The following DOCK3 variants were observed in gnomAD, a reference collection of about 807,000 sequenced individuals.
The protein encoded by DOCK3 is dedicator of cytokinesis 3.
A neutral mutation model predicts 265.6 loss-of-function variants in DOCK3; 60 were observed. That is an observed-to-expected ratio of 0.23 (90% CI 0.18 to 0.28). DOCK3 has a LOEUF of 0.28. Among genes scored for constraint, DOCK3 ranks in the 10% least tolerant of loss-of-function variants. The probability of loss-of-function intolerance (pLI) is 1.00; values close to 1 mark genes in which losing one functional copy is unlikely to be tolerated. For missense variants in DOCK3, 1,981 were observed against 2,594.3 expected (o/e 0.76, Z 5.14); for synonymous variants, 881 against 938.0 (o/e 0.94, Z 1.11).
intron 4 of DOCK3, among the ~76,000 whole-genome samples, chr3:50,894,739 G>T (rs2048814136): frequency 6.6e-6 from 1 of 151,968 alleles, no homozygotes; most frequent in Admixed American, 6.6e-5. Flanking sequence ...AAATTGTCAG[G>T]TTTTTGTTTT....
chr3:50,858,375 T>C (rs2107473630), intron 3 of DOCK3, among the ~76,000 whole-genome samples: 1 of 151,730 alleles, frequency 6.6e-6, no homozygotes, highest in African/African-American at 2.4e-5. Context: ...CATATATAAA[T>C]ATGTATCAAA....
chr3:51,246,869 C>A, intron 22 of DOCK3, 62 bp downstream of exon 22: 1 of 1,507,752 alleles, frequency 6.6e-7, no homozygotes. Context: ...TGAGTAATCT[C>A]AGTGATACAA....
chr3:51,181,462 T>C (rs1006939592), intron 12 of DOCK3, among the ~76,000 whole-genome samples: 1 of 152,046 alleles, frequency 6.6e-6, no homozygotes, highest in Non-Finnish European at 1.5e-5. Flanking sequence ...ACAAAGGACA[T>C]GAACTCATCC....
At chr3:51,242,909 G>A (rs2078671735) in intron 21 of DOCK3, among the ~76,000 whole-genome samples, 1 of 152,150 alleles carries the variant, frequency 6.6e-6, no homozygotes. Flanking sequence ...TATGGGGAGG[G>A]GGCATGCAGG....
At chr3:50,803,737 G>A (rs1261566864) in intron 2 of DOCK3, among the ~76,000 whole-genome samples, 4 of 151,560 alleles carry the variant, frequency 2.6e-5, no homozygotes, top group African/African-American at 4.8e-5. Flanking sequence ...GCGGCTGGCC[G>A]GGCGGGGGCT....
chr3:51,045,689 T>C (rs1373250346), intron 5 of DOCK3, among the ~76,000 whole-genome samples: 1 of 152,218 alleles, frequency 6.6e-6, no homozygotes, highest in Non-Finnish European at 1.5e-5. Context: ...TTGATGTAGC[T>C]ATTCATGGTC....
Position 51,146,640 on chromosome 3 carries a change from A to G in DOCK3, c.828+10A>G, listed in dbSNP as rs1414012659. 2 of 1,572,266 alleles carry G rather than the reference A, an allele frequency of 1.3e-6. No homozygotes were observed. Among genetic ancestry groups the G allele is most frequent in the Admixed American group, 1.9e-5 (1 of 53,378 alleles). On this transcript the variant is annotated intron_variant, in intron 10 of 52. Coordinates refer to ENST00000266037, the MANE Select transcript of DOCK3 (RefSeq NM_004947.5). Reference sequence around the variant, plus strand: ...GTGTGCCCTTTTTACAGTATGTACGAATTCTCTTTTTCTTCTTTGCTGTTG... The same window carrying G: ...GTGTGCCCTTTTTACAGTATGTACGGATTCTCTTTTTCTTCTTTGCTGTTG...
intron 3 of DOCK3, among the ~76,000 whole-genome samples, chr3:50,886,208 A>ATATATATATATATATT (rs1399056611): frequency 7.3e-6 from 1 of 136,842 alleles, no homozygotes; most frequent in Non-Finnish European, 1.7e-5. Flanking sequence ...ATATATATAT[A>ATATATATATATATATT]TTCCAGAGTT....
Position 51,361,952 on chromosome 3 carries a change from C to T in DOCK3, c.5100C>T (p.Asp1700=), listed in dbSNP as rs774023451. ...CAGGAAACATGGTGATGCTGGGTGA[C>T]GGCTCCATGGGTGATGCTCCTGAGG... ...SEAGNMVMLG[D]GSMGDAPEDL... Residue 1700 remains aspartate, a synonymous_variant, in exon 48 of 53, where the codon GAC becomes GAT. Coordinates refer to ENST00000266037, the MANE Select transcript of DOCK3 (RefSeq NM_004947.5). The surrounding 1 kb of genome is among the most constrained non-coding windows in gnomAD (Gnocchi z 4.2). 16 of 1,611,580 alleles carry T rather than the reference C, an allele frequency of 9.9e-6. No individual in the cohort carries two copies. The highest frequency in any genetic ancestry group is 1.6e-4 in the Middle Eastern group (1 of 6,084).
intron 2 of DOCK3, among the ~76,000 whole-genome samples, chr3:50,797,957 CAG>C (rs1262980104): frequency 6.6e-6 from 1 of 152,216 alleles, no homozygotes; most frequent in East Asian, 1.9e-4. Context: ...GCACAGCAGT[CAG>C]AGAATTAGGC....
chr3:50,839,036 CAA>C (rs1284984046), intron 2 of DOCK3, among the ~76,000 whole-genome samples: 6 of 152,120 alleles, frequency 3.9e-5, no homozygotes, highest in Admixed American at 2.6e-4. Flanking sequence ...AGGGCTGGGG[CAA>C]GAGGTTGGGG....
intron 27 of DOCK3, among the ~76,000 whole-genome samples, chr3:51,309,278 C>G (rs935051053): frequency 6.6e-6 from 1 of 152,250 alleles, no homozygotes; most frequent in Non-Finnish European, 1.5e-5. Flanking sequence ...CGCCACTGCA[C>G]TCCAGCCTGG....
chr3:50,904,382 G>A (rs1326025756), intron 4 of DOCK3, among the ~76,000 whole-genome samples: 3 of 152,216 alleles, frequency 2.0e-5, no homozygotes, highest in Non-Finnish European at 4.4e-5. Context: ...CCCACCAACA[G>A]TGTAAGAGTG....
intron 2 of DOCK3, among the ~76,000 whole-genome samples, chr3:50,813,425 A>G (rs2043878774): frequency 6.6e-6 from 1 of 152,198 alleles, no homozygotes; most frequent in South Asian, 2.1e-4. Context: ...GCTACTCAAC[A>G]GGCTGAGATA....
intron 5 of DOCK3, among the ~76,000 whole-genome samples, chr3:51,023,002 T>C (rs1258725683): frequency 6.6e-6 from 1 of 152,220 alleles, no homozygotes; most frequent in Non-Finnish European, 1.5e-5. Context: ...GTGTTAACTT[T>C]AGATAGCCTA....
At chr3:50,782,289 A>ATTTTTTTTTTTTTT (rs71084112) in intron 2 of DOCK3, among the ~76,000 whole-genome samples, 4 of 110,020 alleles carry the variant, frequency 3.6e-5, no homozygotes, top group African/African-American at 1.4e-4. Flanking sequence ...AGTACCTGTT[A>ATTTTTTTTTTTTTT]TTTTTTTTTT....
intron 2 of DOCK3, among the ~76,000 whole-genome samples, chr3:50,812,505 G>A (rs951345329): frequency 6.6e-6 from 1 of 152,226 alleles, no homozygotes; most frequent in African/African-American, 2.4e-5. Context: ...TATGGAGACT[G>A]AGAAGTCCCA....
At chr3:51,127,993 T>A (rs1314276472) in intron 9 of DOCK3, among the ~76,000 whole-genome samples, 1 of 152,200 alleles carries the variant, frequency 6.6e-6, no homozygotes, top group Non-Finnish European at 1.5e-5. Flanking sequence ...ATAGTCCAGG[T>A]CAGTCACCTC....
chr3:50,821,018 T>G (rs2044380342), intron 2 of DOCK3, among the ~76,000 whole-genome samples: 1 of 151,956 alleles, frequency 6.6e-6, no homozygotes, highest in African/African-American at 2.4e-5. Flanking sequence ...CTTAGTGATT[T>G]AAGTTCCTTA....
Sources: gnomAD v4.1 joint callset for allele counts (sites outside exome capture counted in the v4.1 genomes callset) on GRCh38, gnomAD v4.1.1 for gene constraint, Gnocchi (gnomAD v3.1) non-coding constraint, MANE v1.5 for transcripts, NCBI Gene and HGNC (gene_info 2026-07-23, HGNC 2026-07-21) for gene names.